The following DPP10 variants were observed in gnomAD, a reference collection of about 807,000 sequenced individuals.
DPP10 encodes inactive dipeptidyl peptidase 10.
Under a neutral mutation model 120.9 loss-of-function variants are expected in DPP10, and 33 were observed. The observed-to-expected ratio is 0.27, with a 90% CI of 0.21 to 0.37. The LOEUF (loss-of-function observed/expected upper bound fraction) is 0.37, where lower values mean the gene tolerates loss of function less well. Among genes scored for constraint, DPP10 ranks in the 10% least tolerant of loss-of-function variants. The probability of loss-of-function intolerance (pLI) is 1.00; values close to 1 mark genes in which losing one functional copy is unlikely to be tolerated. For synonymous variants in DPP10, 337 were observed against 326.1 expected (o/e 1.03, Z -0.36); for missense variants, 816 against 942.8 (o/e 0.87, Z 1.76).
chr2:114,991,286 C>T (rs1285771862), intron 1 of DPP10, among the ~76,000 whole-genome samples: 1 of 152,152 alleles, frequency 6.6e-6, no homozygotes, highest in Non-Finnish European at 1.5e-5. Context: ...ACTCCGTGAT[C>T]ATCAAGAGAA....
chr2:115,707,474 T>C (rs1346090912), intron 7 of DPP10, among the ~76,000 whole-genome samples: 2 of 150,134 alleles, frequency 1.3e-5, no homozygotes, highest in African/African-American at 2.4e-5. Flanking sequence ...TCTCTCCACA[T>C]TTTTTATTGG....
At chr2:114,495,338 T>C (rs1682419898) in intron 1 of DPP10, among the ~76,000 whole-genome samples, 2 of 152,196 alleles carry the variant, frequency 1.3e-5, no homozygotes, top group Non-Finnish European at 2.9e-5. Flanking sequence ...TAACTCATCT[T>C]ATCTACCTTT....
chr2:114,998,494 C>G (rs10169614), intron 1 of DPP10, among the ~76,000 whole-genome samples: 2,585 of 152,244 alleles, frequency 0.017, 69 homozygotes, highest in African/African-American at 0.06. Context: ...TATAAGGATA[C>G]AGTCATAGTG....
At chr2:114,879,537 CAG>C (rs1392023057) in intron 1 of DPP10, among the ~76,000 whole-genome samples, 3 of 152,040 alleles carry the variant, frequency 2.0e-5, no homozygotes, top group Non-Finnish European at 4.4e-5. Flanking sequence ...CAAAAGCAAA[CAG>C]TGCACAATTT....
Position 115,791,182 on chromosome 2 carries a change from A to G in DPP10, c.1630+3A>G. The G allele has an allele frequency of 6.2e-7, 1 of 1,612,792 alleles. No homozygotes were observed. On this transcript the variant is annotated splice_donor_region_variant and intron_variant, in intron 18 of 25. Transcript: ENST00000410059. Reference sequence around the variant, plus strand: ...AATCCTTCATATTGACGACTATGGTAAAATTTTGTGCATGCTATGTTATTC... The same window carrying G: ...AATCCTTCATATTGACGACTATGGTGAAATTTTGTGCATGCTATGTTATTC...
At chr2:115,332,378 C>G (rs1475610428) in intron 2 of DPP10, among the ~76,000 whole-genome samples, 1 of 152,064 alleles carries the variant, frequency 6.6e-6, no homozygotes, top group East Asian at 1.9e-4. Context: ...AAAACCAGCT[C>G]CTGGATTCAT....
At chr2:115,753,041 A>G (rs984612010) in intron 10 of DPP10, 133 bp from the exon 11 acceptor site, 43 of 661,064 alleles carry the variant, frequency 6.5e-5, no homozygotes, top group Non-Finnish European at 9.3e-5. Flanking sequence ...ATCTATCTAT[A>G]CATAAATTAA....
chr2:115,839,482 T>C (rs1015163388), intron 24 of DPP10, among the ~76,000 whole-genome samples: 4 of 151,878 alleles, frequency 2.6e-5, no homozygotes, highest in African/African-American at 9.7e-5. Flanking sequence ...GAGACCAGCC[T>C]GACCAACATG....
Position 114,663,271 on chromosome 2 carries a change from T to TATATATATATATATATATAC in DPP10, c.60+220434_60+220435insTATATATATATATATATACA, listed in dbSNP as rs375462897. ...ATATATATATATATCTATATATATA[T>TATATATATATATATATATAC]ACACACACATATATGTATACATATA... On this transcript the variant is annotated intron_variant, in intron 1 of 25. Coordinates refer to ENST00000410059, the MANE Select transcript of DPP10 (RefSeq NM_020868.6). Among the ~76,000 whole-genome samples, 16 of 147,334 alleles carry TATATATATATATATATATAC rather than the reference T, an allele frequency of 1.1e-4. 1 individual carries two copies. The highest frequency in any genetic ancestry group is 8.2e-4 in the East Asian group (4 of 4,892).
chr2:115,162,188 G>C, intron 1 of DPP10: 3 of 1,550,574 alleles, frequency 1.9e-6, no homozygotes, highest in Non-Finnish European at 2.6e-6. Flanking sequence ...CACGGACTCT[G>C]CGGGAAGTTA....
rs1410819046 is a variant in DPP10, at chr2:114,948,089, T to G, written c.61-361150T>G. Among the ~76,000 whole-genome samples the G allele has an allele frequency of 3.9e-5, 6 of 152,046 alleles. No individual in the cohort carries two copies. The East Asian group carries it at 9.6e-4, about 24-fold the overall frequency. On this transcript the variant is annotated intron_variant, in intron 1 of 25. Coordinates refer to ENST00000410059, the MANE Select transcript of DPP10 (RefSeq NM_020868.6). ...CAATACTGACATTTCTATATATATA[T>G]TCTCTACATCTCTTACCTTATGTTT...
intron 1 of DPP10, among the ~76,000 whole-genome samples, chr2:114,660,287 A>C (rs558555954): frequency 1.3e-5 from 2 of 152,192 alleles, no homozygotes; most frequent in South Asian, 4.2e-4. Flanking sequence ...TATTAGCTGG[A>C]AAAAAAATTA....
At chr2:115,423,316 G>T (rs1316638553) in intron 3 of DPP10, among the ~76,000 whole-genome samples, 3 of 152,066 alleles carry the variant, frequency 2.0e-5, no homozygotes, top group Admixed American at 6.6e-5. Context: ...GCCAAATGTG[G>T]CTAGAAAGAC....
chr2:115,508,659 C>T (rs544824751), intron 4 of DPP10, among the ~76,000 whole-genome samples: 2 of 152,262 alleles, frequency 1.3e-5, no homozygotes, highest in Admixed American at 1.3e-4. Flanking sequence ...AATCCCAGCA[C>T]TTTGGGAGCC....
intron 1 of DPP10, among the ~76,000 whole-genome samples, chr2:115,191,554 A>C (rs1375903351): frequency 6.6e-6 from 1 of 152,240 alleles, no homozygotes; most frequent in Non-Finnish European, 1.5e-5. Flanking sequence ...AAGAAGAAGG[A>C]GTAATAGAAT....
chr2:114,685,210 A>T (rs1699283973), intron 1 of DPP10, among the ~76,000 whole-genome samples: 1 of 151,872 alleles, frequency 6.6e-6, no homozygotes, highest in Non-Finnish European at 1.5e-5. Context: ...CACCCTGCTC[A>T]CCAACTCACT....
At chr2:114,942,287 G>GTA (rs1553458447) in intron 1 of DPP10, among the ~76,000 whole-genome samples, 4 of 112,804 alleles carry the variant, frequency 3.5e-5, no homozygotes, top group East Asian at 2.8e-4. Flanking sequence ...AAAAAAATGT[G>GTA]TATATATATA....
intron 1 of DPP10, among the ~76,000 whole-genome samples, chr2:115,240,396 G>A (rs1473330758): frequency 1.3e-5 from 2 of 152,146 alleles, no homozygotes; most frequent in Non-Finnish European, 2.9e-5. Flanking sequence ...CCGCATAAAT[G>A]TCTTCTTTTG....
intron 1 of DPP10, among the ~76,000 whole-genome samples, chr2:115,126,516 G>A (rs924243148): frequency 6.6e-6 from 1 of 152,134 alleles, no homozygotes; most frequent in Non-Finnish European, 1.5e-5. Flanking sequence ...TGATATTAAT[G>A]ATATAAATAG....
Sources: gnomAD v4.1 joint callset for allele counts (sites outside exome capture counted in the v4.1 genomes callset) on GRCh38, gnomAD v4.1.1 for gene constraint, MANE v1.5 for transcripts, NCBI Gene and HGNC (gene_info 2026-07-23, HGNC 2026-07-21) for gene names.